KIF6: variants seen among roughly 807,000 people sequenced by gnomAD.
The protein encoded by KIF6 is kinesin-like protein KIF6.
KIF6 carries 106 observed loss-of-function variants against 112.7 expected under a neutral mutation model. That is an observed-to-expected ratio of 0.94 (90% CI 0.80 to 1.11). The LOEUF (loss-of-function observed/expected upper bound fraction) is 1.11, where lower values mean the gene tolerates loss of function less well. KIF6 is among the 50% of genes least tolerant of loss of function. The pLI, the probability that KIF6 is intolerant of heterozygous loss-of-function variation, is 0.00. For synonymous variants in KIF6, 339 were observed against 339.9 expected (o/e 1.00, Z 0.03); for missense variants, 929 against 964.0 (o/e 0.96, Z 0.48).
intron 2 of KIF6, chr6:39,718,360 T>A (rs1057341782): frequency 1.3e-5 from 2 of 151,772 alleles, no homozygotes; most frequent in African/African-American, 4.8e-5. Context: ...TTTTATGTAA[T>A]AGATTTTGGC....
intron 10 of KIF6, among the ~76,000 whole-genome samples, chr6:39,558,843 AC>A (rs1336489373): frequency 2.6e-5 from 4 of 152,184 alleles, no homozygotes; most frequent in African/African-American, 9.7e-5. Flanking sequence ...GCCTATTAGA[AC>A]CCAAAACACT....
At chr6:39,560,534 G>C (rs1238759954) in intron 10 of KIF6, among the ~76,000 whole-genome samples, 1 of 152,156 alleles carries the variant, frequency 6.6e-6, no homozygotes, top group African/African-American at 2.4e-5. Context: ...TCCCTGTCCA[G>C]CTTTGCTTTT....
At chr6:39,597,840 C>T (rs1645567795) in intron 6 of KIF6, among the ~76,000 whole-genome samples, 3 of 152,006 alleles carry the variant, frequency 2.0e-5, no homozygotes. Context: ...AAGATATTTG[C>T]AATACATATG....
At chr6:39,714,965 T>C (rs1452828670) in intron 2 of KIF6, 199 bp from the exon 3 acceptor site, 6 of 512,440 alleles carry the variant, frequency 1.2e-5, no homozygotes, top group Non-Finnish European at 2.1e-5. Flanking sequence ...GGGTAAACAG[T>C]ATTGCTTTGA....
intron 3 of KIF6, among the ~76,000 whole-genome samples, chr6:39,709,073 C>T (rs1267638520): frequency 6.6e-6 from 1 of 152,084 alleles, no homozygotes. Flanking sequence ...ATTTCAAAGA[C>T]ACCTGAGATT....
intron 13 of KIF6, among the ~76,000 whole-genome samples, chr6:39,498,859 C>T (rs1480102842): frequency 6.6e-6 from 1 of 152,098 alleles, no homozygotes; most frequent in African/African-American, 2.4e-5. Flanking sequence ...AAGTGAACCC[C>T]CCTTTGTAGG....
chr6:39,590,425 G>GTATATATATATATA (rs1166869945), intron 7 of KIF6, among the ~76,000 whole-genome samples: 1 of 117,402 alleles, frequency 8.5e-6, no homozygotes, highest in African/African-American at 4.0e-5. Context: ...GTGTATGTGT[G>GTATATATATATATA]TGTGTATATA....
At chr6:39,432,464 G>A (rs1314523596) in intron 13 of KIF6, among the ~76,000 whole-genome samples, 2 of 152,208 alleles carry the variant, frequency 1.3e-5, no homozygotes, top group East Asian at 3.9e-4. Context: ...TCCTAAGGGT[G>A]AGTAACTGGA....
In KIF6 at chr6:39,345,609, G is replaced by A. The variant is rs1474041771; in HGVS notation, c.2321+91C>T. On this transcript the variant is annotated intron_variant, in intron 21 of 22. Coordinates refer to ENST00000287152, the MANE Select transcript of KIF6 (RefSeq NM_145027.6). The stretch of plus-strand genomic sequence containing the variant: ...GGTTCTGTCTGTGTGGCTACTGGAC[G>A]AGGGGCTTTTTCGGGGAGTAGACTG... 6.7e-6 allele frequency: 7 copies of A among 1,039,516 alleles called. No homozygotes were observed. In the Admixed American group the frequency reaches 1.1e-4, roughly 17 times the overall value. The allele number at this position is 1,039,516 out of a possible 1,614,324, so 64.4% of individuals were successfully genotyped here.
chr6:39,353,965 G>A, intron 19 of KIF6: 1 of 499,464 alleles, frequency 2.0e-6, no homozygotes. Flanking sequence ...GCTACTGAGG[G>A]CACACTGACA....
At position 39,333,884 on chromosome 6, in the gene KIF6, A is replaced by G. The variant is rs1309707902; in HGVS notation, c.*2648T>C. ...TTTTGAAAATCCCACATTTTGGCCT[A>G]GAGTGAACTCAGATACTTCTTGTCA... On this transcript the variant is annotated 3_prime_UTR_variant, in exon 23 of 23. Coordinates refer to ENST00000287152, the MANE Select transcript of KIF6 (RefSeq NM_145027.6). 4 of 152,242 alleles carry G rather than the reference A, an allele frequency of 2.6e-5. No homozygotes were observed. Among genetic ancestry groups the G allele is most frequent in the African/African-American group, 9.6e-5 (4 of 41,464 alleles). The allele number at this position is 152,242 out of a possible 1,614,324, so 9.4% of individuals were successfully genotyped here. A position where few individuals can be genotyped will look rare whatever the true frequency, so the allele number is the denominator to read the frequency against.
intron 10 of KIF6, among the ~76,000 whole-genome samples, chr6:39,561,916 G>A (rs2092524): frequency 0.41 from 62,534 of 152,040 alleles, 13,528 homozygotes; most frequent in South Asian, 0.54. Context: ...TGAATGCCAC[G>A]TGAGAAATGT....
At chr6:39,524,503 C>T (rs984313294) in intron 13 of KIF6, among the ~76,000 whole-genome samples, 5 of 152,272 alleles carry the variant, frequency 3.3e-5, no homozygotes, top group African/African-American at 7.2e-5. Context: ...CCTCCAGCTG[C>T]GGGGAGCATG....
Position 39,336,561 on chromosome 6 carries a change from C to A in KIF6, c.2429-13G>T, listed in dbSNP as rs765104441. 6.2e-7 allele frequency: 1 copy of A among 1,613,884 alleles called. No individual in the cohort carries two copies. Among genetic ancestry groups the A allele is most frequent in the South Asian group, 1.1e-5 (1 of 91,064 alleles). On this transcript the variant is annotated splice_polypyrimidine_tract_variant and intron_variant, in intron 22 of 22. Transcript: ENST00000287152. ...TTGCTTCCCAAACCTGAAAGGGAGA[C>A]AGGATGCTTTTGGTTAGGCTGTGCA...
chr6:39,719,709 G>T (rs540169263), intron 2 of KIF6, among the ~76,000 whole-genome samples: 1 of 152,150 alleles, frequency 6.6e-6, no homozygotes, highest in Non-Finnish European at 1.5e-5. Flanking sequence ...GTAGCTGTTT[G>T]GTATTTTTCA....
intron 15 of KIF6, among the ~76,000 whole-genome samples, chr6:39,414,227 G>A (rs1473276158): frequency 6.6e-6 from 1 of 152,038 alleles, no homozygotes; most frequent in African/African-American, 2.4e-5. Flanking sequence ...GTCCTTATTT[G>A]TGCTGGTTTT....
rs1778970033 is a variant in KIF6, at chr6:39,544,606, C to T, written c.1375G>A (p.Glu459Lys). ...DQDCQEPLKE[E>K]EYRKLRDILK... The stretch of plus-strand genomic sequence containing the variant: ...ATATCTCGTAGCTTTCTATATTCTT[C>T]TTCTTTTAATGGTTCTTGACAATCT... The change falls in exon 12 of 23, where the codon GAA (glutamate) becomes AAA (lysine). Residue 459 changes from glutamate (E) to lysine (K), a missense_variant. This residue lies in a region of KIF6 where 688 missense variants were observed against 662.7 expected (regional missense o/e 1.04). Coordinates refer to ENST00000287152, the MANE Select transcript of KIF6 (RefSeq NM_145027.6). 7 of 1,611,980 alleles carry T rather than the reference C, an allele frequency of 4.3e-6. No individual in the cohort carries two copies. The highest frequency in any genetic ancestry group is 5.9e-6 in the Non-Finnish European group (7 of 1,178,294).
At chr6:39,616,350 C>T (rs1299332468) in intron 5 of KIF6, among the ~76,000 whole-genome samples, 3 of 152,174 alleles carry the variant, frequency 2.0e-5, no homozygotes, top group African/African-American at 7.2e-5. Context: ...CTTCATAGAA[C>T]TCTCGGCTAT....
chr6:39,374,179 A>T (rs1049585901), intron 16 of KIF6, among the ~76,000 whole-genome samples: 5 of 152,184 alleles, frequency 3.3e-5, no homozygotes, highest in Non-Finnish European at 5.9e-5. Context: ...CCACATGCTC[A>T]AGAATAAAAT....
Sources: allele counts gnomAD v4.1 joint callset (sites outside exome capture counted in the v4.1 genomes callset), GRCh38; gene constraint gnomAD v4.1.1; regional missense constraint gnomAD v4.1.1; transcripts MANE v1.5; gene names NCBI Gene and HGNC (gene_info 2026-07-23, HGNC 2026-07-21).